The following DCC variants were observed in gnomAD, a reference collection of about 807,000 sequenced individuals.
DCC encodes the protein netrin receptor DCC.
In DCC, 58 loss-of-function variants were observed where a neutral mutation model predicts 172.5. The observed-to-expected ratio is 0.34, with a 90% CI of 0.27 to 0.42. The LOEUF (loss-of-function observed/expected upper bound fraction) is 0.42, where lower values mean the gene tolerates loss of function less well. Ranked by LOEUF, DCC falls within the 10% of genes least tolerant of loss-of-function variation. DCC has a pLI of 1.00. For missense variants in DCC, 1,740 were observed against 1,791.0 expected (o/e 0.97, Z 0.51); for synonymous variants, 709 against 644.5 (o/e 1.10, Z -1.52).
At chr18:53,292,578 A>G (rs1174945436) in intron 12 of DCC, among the ~76,000 whole-genome samples, 1 of 152,180 alleles carries the variant, frequency 6.6e-6, no homozygotes, top group East Asian at 1.9e-4. Flanking sequence ...AATCCCAGCT[A>G]CTAAAGAGGC....
At chr18:53,206,173 A>ATATATTATATAT (rs1568364675) in intron 10 of DCC, among the ~76,000 whole-genome samples, 39 of 768 alleles carry the variant, frequency 0.051, no homozygotes, top group African/African-American at 0.15. Flanking sequence ...ATACATATAC[A>ATATATTATATAT]TATATAATAC....
intron 2 of DCC, among the ~76,000 whole-genome samples, chr18:52,901,685 C>T (rs977826669): frequency 6.6e-6 from 1 of 152,134 alleles, no homozygotes; most frequent in Non-Finnish European, 1.5e-5. Context: ...TTCCAAACTG[C>T]TACACAGTAT....
intron 1 of DCC, among the ~76,000 whole-genome samples, chr18:52,678,877 G>A (rs376021677): frequency 2.6e-5 from 4 of 151,676 alleles, no homozygotes; most frequent in African/African-American, 4.8e-5. Flanking sequence ...TTCTTTCATC[G>A]GTGACTCTAT....
chr18:53,412,908 T>C (rs923397440), intron 20 of DCC, among the ~76,000 whole-genome samples: 5 of 152,304 alleles, frequency 3.3e-5, no homozygotes, highest in South Asian at 2.1e-4. Context: ...ATATGATGTA[T>C]CTAATTCTTT....
At chr18:53,340,615 T>C (rs984305131) in intron 15 of DCC, among the ~76,000 whole-genome samples, 6 of 152,188 alleles carry the variant, frequency 3.9e-5, no homozygotes, top group Non-Finnish European at 7.3e-5. Context: ...AGAGGTCTAA[T>C]GTGTGTAAAA....
chr18:52,576,756 G>A (rs1331800675), intron 1 of DCC, among the ~76,000 whole-genome samples: 2 of 151,322 alleles, frequency 1.3e-5, no homozygotes, highest in East Asian at 1.9e-4. Flanking sequence ...CGTGAACCCG[G>A]GAGGCAGAGC....
intron 7 of DCC, among the ~76,000 whole-genome samples, chr18:53,135,378 A>C (rs79586183): frequency 0.015 from 2,324 of 152,310 alleles, 25 homozygotes; most frequent in Non-Finnish European, 0.025. Context: ...ATGTTTGTGG[A>C]TTAAGGATAA....
intron 2 of DCC, among the ~76,000 whole-genome samples, chr18:52,753,502 C>T (rs771826789): frequency 1.3e-5 from 2 of 152,106 alleles, no homozygotes; most frequent in Non-Finnish European, 2.9e-5. Context: ...TCATTAAATG[C>T]TAAACTTTTG....
At chr18:52,606,472 C>T (rs757995551) in intron 1 of DCC, among the ~76,000 whole-genome samples, 60 of 152,182 alleles carry the variant, frequency 3.9e-4, no homozygotes, top group Non-Finnish European at 6.6e-4. Flanking sequence ...AACACATAAA[C>T]ATACGTGATC....
chr18:53,208,310 C>T (rs747813624), intron 11 of DCC, among the ~76,000 whole-genome samples: 3 of 151,422 alleles, frequency 2.0e-5, no homozygotes, highest in South Asian at 2.1e-4. Context: ...TATGTATATA[C>T]ATATGTATAT....
chr18:52,456,643 G>A (rs192948592), intron 1 of DCC, among the ~76,000 whole-genome samples: 76 of 152,250 alleles, frequency 5.0e-4, no homozygotes, highest in Non-Finnish European at 7.1e-4. Flanking sequence ...ATTGTTGTTT[G>A]AAGATATAAA....
chr18:52,606,553 T>C (rs149256628), intron 1 of DCC, among the ~76,000 whole-genome samples: 13 of 152,296 alleles, frequency 8.5e-5, no homozygotes, highest in Admixed American at 2.6e-4. Flanking sequence ...AAGGGATATT[T>C]GATGAATGCC....
intron 1 of DCC, among the ~76,000 whole-genome samples, chr18:52,385,082 A>G: frequency 6.6e-6 from 1 of 152,116 alleles, no homozygotes; most frequent in Non-Finnish European, 1.5e-5. Context: ...GGGTGATAAA[A>G]AGTGCATAGA....
chr18:52,914,959 C>G (rs1038254543), intron 3 of DCC, among the ~76,000 whole-genome samples: 2 of 151,868 alleles, frequency 1.3e-5, no homozygotes, highest in Non-Finnish European at 2.9e-5. Flanking sequence ...TCCATGGAGG[C>G]AGGAATTTAA....
chr18:53,342,631 A>G (rs1362769384), intron 15 of DCC, among the ~76,000 whole-genome samples: 1 of 150,190 alleles, frequency 6.7e-6, no homozygotes, highest in Non-Finnish European at 1.5e-5. Context: ...TCTCAGTAAT[A>G]TTTTATAGTT....
chr18:52,701,913 G>A (rs1217443121), intron 1 of DCC, among the ~76,000 whole-genome samples: 1 of 152,160 alleles, frequency 6.6e-6, no homozygotes, highest in African/African-American at 2.4e-5. Context: ...TGCTCCTTGT[G>A]TAACAGCACA....
intron 7 of DCC, among the ~76,000 whole-genome samples, chr18:53,128,858 CACACACACACACATATATATATATAT>C (rs1372973667): frequency 2.7e-4 from 20 of 75,470 alleles, no homozygotes; most frequent in East Asian, 4.3e-4. Context: ...CACACACACA[CACACACACACACATATATATATATAT>C]ATATATATAT....
chr18:52,676,402 TCAGA>T (rs1415242869), intron 1 of DCC, among the ~76,000 whole-genome samples: 17 of 152,256 alleles, frequency 1.1e-4, no homozygotes, highest in African/African-American at 4.1e-4. Context: ...TAATAGCAAA[TCAGA>T]CAGATTAATT....
At position 52,404,048 on chromosome 18, in the gene DCC, C is replaced by T. The variant is rs112620385; in HGVS notation, c.91+63170C>T. Among the ~76,000 whole-genome samples the T allele has an allele frequency of 4.0e-3, 616 of 152,124 alleles. 2 individuals carry two copies. Among genetic ancestry groups the T allele is most frequent in the South Asian group, 0.019 (90 of 4,820 alleles). ...AAAACAAAAGTATATTCCAACAGGG[C>T]ATGTCTTTGGCTAGACAGAAGGTTC... On this transcript the variant is annotated intron_variant, in intron 1 of 28. Transcript: ENST00000442544.
Sources: gnomAD v4.1 joint callset for allele counts (sites outside exome capture counted in the v4.1 genomes callset) on GRCh38, gnomAD v4.1.1 for gene constraint, MANE v1.5 for transcripts, NCBI Gene and HGNC (gene_info 2026-07-23, HGNC 2026-07-21) for gene names.